AHNAK: variants seen among roughly 807,000 people sequenced by gnomAD.
AHNAK encodes the protein AHNAK nucleoprotein, also known as neuroblast differentiation-associated protein AHNAK.
AHNAK carries 23 observed loss-of-function variants against 37.8 expected under a neutral mutation model. The observed-to-expected ratio is 0.61, with a 90% CI of 0.44 to 0.86. AHNAK has a LOEUF of 0.86. Ranked by LOEUF, AHNAK falls within the 40% of genes least tolerant of loss-of-function variation. The pLI, the probability that AHNAK is intolerant of heterozygous loss-of-function variation, is 0.00. For missense variants in AHNAK, 7,411 were observed against 7,319.4 expected (o/e 1.01, Z -0.46); for synonymous variants, 2,481 against 2,636.3 (o/e 0.94, Z 1.80).
At position 62,518,169 on chromosome 11, in the gene AHNAK, C is replaced by G. The variant is rs373643372; in HGVS notation, c.16248G>C (p.Pro5416=). Residue 5416 remains proline (P), a synonymous_variant, in exon 5 of 5, where the codon CCG becomes CCC. Transcript: ENST00000378024. ...MKLPQFGIST[P]GSDLHVNAKG... ...TGGCATTGACGTGCAAGTCGGACCC[C>G]GGAGTAGAGATGCCAAATTGGGGCA... 1.2e-5 allele frequency: 19 copies of G among 1,614,056 alleles called. No homozygotes were observed. The highest frequency in any genetic ancestry group is 1.6e-4 in the Middle Eastern group (1 of 6,084).
At position 62,528,112 on chromosome 11, in the gene AHNAK, C is replaced by A. The variant is rs754544855; in HGVS notation, c.6305G>T (p.Gly2102Val). ...SLEGPEGKLK[G>V]PKLKMPEMHF... The stretch of plus-strand genomic sequence containing the variant: ...CATCTCAGGCATCTTAAGCTTGGGG[C>A]CCTTCAGCTTCCCTTCTGGACCTTC... Residue 2102 changes from glycine (G) to valine (V), a missense_variant, in exon 5 of 5, where the codon GGC becomes GTC. By Grantham distance (109) the Gly-to-Val change is moderately radical (BLOSUM62 -3). Transcript: ENST00000378024. The A allele has an allele frequency of 6.2e-7, 1 of 1,611,684 alleles. No individual in the cohort carries two copies. Among genetic ancestry groups the A allele is most frequent in the Admixed American group, 1.7e-5 (1 of 59,662 alleles).
Position 62,523,685 on chromosome 11 carries a change from C to G in AHNAK, c.10732G>C (p.Asp3578His), listed in dbSNP as rs1940360805. The G allele has an allele frequency of 6.2e-7, 1 of 1,613,772 alleles. No individual in the cohort carries two copies. Among genetic ancestry groups the G allele is most frequent in the African/African-American group, 1.3e-5 (1 of 74,806 alleles). Residue 3578 changes from aspartate to histidine, a missense_variant, in exon 5 of 5, where the codon GAT becomes CAT. By Grantham distance (81) the Asp-to-His change is moderately conservative. Coordinates refer to ENST00000378024, the MANE Select transcript of AHNAK (RefSeq NM_001620.3). ...ATGTCCACTTTAGGGCCTTTGATATCAACCTCTGGCCCTTTCAGATCCCCT... is the reference window on the plus strand; with the variant it reads ...ATGTCCACTTTAGGGCCTTTGATATGAACCTCTGGCCCTTTCAGATCCCCT... Reference protein sequence around the residue: ...LEGDLKGPEVDIKGPKVDINA... With the variant: ...LEGDLKGPEVHIKGPKVDINA...
At chr11:62,470,819 A>C (rs971442035) in intron 5 of AHNAK, among the ~76,000 whole-genome samples, 8 of 151,962 alleles carry the variant, frequency 5.3e-5, no homozygotes, top group African/African-American at 1.7e-4. Context: ...GAAAAAAAAA[A>C]ACCAAAACTT....
chr11:62,541,328 G>T (rs1941117147), intron 1 of AHNAK, among the ~76,000 whole-genome samples: 1 of 152,216 alleles, frequency 6.6e-6, no homozygotes, highest in Non-Finnish European at 1.5e-5. Flanking sequence ...ACCGGCCACA[G>T]TGAAACTTCC....
chr11:62,516,794 C>T lies in AHNAK; in HGVS notation c.17623G>A (p.Gly5875Ser). 1 of 1,613,690 alleles carries T rather than the reference C, an allele frequency of 6.2e-7. No homozygotes were observed. The highest frequency in any genetic ancestry group is 1.3e-5 in the African/African-American group (1 of 75,012). Residue 5875 changes from glycine to serine, a missense_variant, in exon 5 of 5, where the codon GGC becomes AGC. Physicochemically the swap from Gly to Ser is moderately conservative, Grantham distance 56. Coordinates refer to ENST00000378024, the MANE Select transcript of AHNAK (RefSeq NM_001620.3). ...SSSNDSGNKV[G>S]IQLPEVELSV... is the part of the protein sequence containing the mutation. Reference sequence around the variant, plus strand: ...AGCTCCACCTCGGGAAGCTGGATGCCAACCTTATTCCCACTGTCATTGCTA... The same window carrying T: ...AGCTCCACCTCGGGAAGCTGGATGCTAACCTTATTCCCACTGTCATTGCTA...
At chr11:62,443,900 G>A (rs1938366148) in intron 5 of AHNAK, among the ~76,000 whole-genome samples, 1 of 152,206 alleles carries the variant, frequency 6.6e-6, no homozygotes, top group Non-Finnish European at 1.5e-5. Context: ...TGGGCCTCCT[G>A]CCCCTGGCCA....
chr11:62,534,173 G>T, intron 4 of AHNAK, 99 bp from the exon 5 acceptor site: 2 of 1,319,686 alleles, frequency 1.5e-6, no homozygotes, highest in Non-Finnish European at 2.0e-6. Context: ...CTGTTTCCCA[G>T]AGAAGCTGGG....
At chr11:62,539,586 G>C (rs1368325767) in intron 1 of AHNAK, among the ~76,000 whole-genome samples, 1 of 152,262 alleles carries the variant, frequency 6.6e-6, no homozygotes, top group Non-Finnish European at 1.5e-5. Context: ...CAGACAGGCA[G>C]TTGGCTTCCC....
intron 5 of AHNAK, among the ~76,000 whole-genome samples, chr11:62,488,325 C>A (rs1565211469): frequency 6.6e-6 from 1 of 151,900 alleles, no homozygotes; most frequent in Non-Finnish European, 1.5e-5. Context: ...GAACCCAGTC[C>A]CCAAAGAGCA....
At chr11:62,456,677 C>G (rs1938666444) in intron 5 of AHNAK, among the ~76,000 whole-genome samples, 1 of 152,156 alleles carries the variant, frequency 6.6e-6, no homozygotes, top group African/African-American at 2.4e-5. Flanking sequence ...CCCACGAGCC[C>G]ATCAACTTCA....
intron 5 of AHNAK, among the ~76,000 whole-genome samples, chr11:62,463,850 G>A (rs547147871): frequency 2.0e-5 from 3 of 151,734 alleles, no homozygotes; most frequent in Non-Finnish European, 4.4e-5. Context: ...TGCAACCTCC[G>A]CCTCCCAGGT....
In AHNAK at chr11:62,532,851, A is replaced by G. The variant is rs752063839; in HGVS notation, c.1566T>C (p.Ala522=). ...PKLKGDIKVS[A]PGVQGDVKGP... is the part of the protein sequence containing the mutation. ...CTTTAACATCACCTTGCACCCCAGG[A>G]GCAGAAACCTTAATATCTCCTTTCA... The change falls in exon 5 of 5, where the codon GCT becomes GCC. Residue 522 remains alanine, a synonymous_variant. Coordinates refer to ENST00000378024, the MANE Select transcript of AHNAK (RefSeq NM_001620.3). 3.1e-6 allele frequency: 5 copies of G among 1,614,074 alleles called. No homozygotes were observed. The highest frequency in any genetic ancestry group is 4.2e-6 in the Non-Finnish European group (5 of 1,179,970).
chr11:62,471,228 G>C (rs958944666), intron 5 of AHNAK, among the ~76,000 whole-genome samples: 2 of 152,174 alleles, frequency 1.3e-5, no homozygotes, highest in African/African-American at 4.8e-5. Flanking sequence ...ATTCTTTGCT[G>C]TGGGAGGCCG....
Position 62,522,845 on chromosome 11 carries a change from C to T in AHNAK, c.11572G>A (p.Gly3858Ser), listed in dbSNP as rs1165889906. 6.2e-7 allele frequency: 1 copy of T among 1,612,894 alleles called. No homozygotes were observed. Among genetic ancestry groups the T allele is most frequent in the Non-Finnish European group, 8.5e-7 (1 of 1,179,802 alleles). The change falls in exon 5 of 5, where the codon GGT becomes AGT. Residue 3858 changes from glycine to serine, a missense_variant. Transcript: ENST00000378024. The stretch of plus-strand genomic sequence containing the variant: ...ATCTCAGGCATCTTGAATTTGGGAC[C>T]TTTCAACTTTCCCTCTGGGCCTTCG... ...NIEGPEGKLK[G>S]PKFKMPEMNI...
Position 62,522,183 on chromosome 11 carries a change from T to C in AHNAK, c.12234A>G (p.Pro4078=). ...CTTTGGGCAAATTAACATCCACTTC[T>C]GGGCCCTCTCCTTTAAATCCTGGCA... ...FSMPGFKGEG[P]EVDVNLPKAD... Residue 4078 remains proline (P), a synonymous_variant, in exon 5 of 5, where the codon CCA becomes CCG. Transcript: ENST00000378024. The C allele has an allele frequency of 3.1e-6, 5 of 1,613,934 alleles. No homozygotes were observed. In the East Asian group the frequency reaches 8.9e-5, roughly 29 times the overall value.
intron 1 of AHNAK, among the ~76,000 whole-genome samples, chr11:62,538,298 A>G (rs1194573950): frequency 1.3e-5 from 2 of 152,122 alleles, no homozygotes; most frequent in Non-Finnish European, 2.9e-5. Flanking sequence ...CCCGGCTGCC[A>G]CACCAGGCCC....
At chr11:62,438,013 C>CTCCTGT (rs1938214937) in intron 5 of AHNAK, among the ~76,000 whole-genome samples, 1 of 151,992 alleles carries the variant, frequency 6.6e-6, no homozygotes, top group Admixed American at 6.6e-5. Flanking sequence ...CCTCCCACCT[C>CTCCTGT]AGTCTCCCAA....
At chr11:62,490,294 C>T (rs1414456016) in intron 5 of AHNAK, among the ~76,000 whole-genome samples, 5 of 150,872 alleles carry the variant, frequency 3.3e-5, no homozygotes, top group South Asian at 2.1e-4. Flanking sequence ...CTCCGCCTCC[C>T]GGGTTTAAGC....
At position 62,523,313 on chromosome 11, in the gene AHNAK, C is replaced by T. The variant is rs1333961546; in HGVS notation, c.11104G>A (p.Gly3702Ser). The T allele has an allele frequency of 3.1e-6, 5 of 1,613,568 alleles. No individual in the cohort carries two copies. Among genetic ancestry groups the T allele is most frequent in the Non-Finnish European group, 4.2e-6 (5 of 1,179,828 alleles). Residue 3702 changes from glycine (G) to serine (S), a missense_variant, in exon 5 of 5, where the codon GGC (glycine) becomes AGC (serine). Coordinates refer to ENST00000378024, the MANE Select transcript of AHNAK (RefSeq NM_001620.3). ...SLPKVEGDLK[G>S]PEVDIKGPKV... The stretch of plus-strand genomic sequence containing the variant: ...GGGCCCTTGATGTCCACCTCAGGGC[C>T]TTTTAGATCACCTTCCACTTTGGGC...
Sources: gnomAD v4.1 joint callset for allele counts (sites outside exome capture counted in the v4.1 genomes callset) on GRCh38, gnomAD v4.1.1 for gene constraint, MANE v1.5 for transcripts, NCBI Gene and HGNC (gene_info 2026-07-23, HGNC 2026-07-21) for gene names.